The following YIF1A variants were observed in gnomAD, a reference collection of about 807,000 sequenced individuals.
YIF1A encodes the protein Yip1 interacting factor homolog A, membrane trafficking protein.
A neutral mutation model predicts 32.6 loss-of-function variants in YIF1A; 28 were observed. The observed-to-expected ratio is 0.86, with a 90% CI of 0.64 to 1.18. The LOEUF (loss-of-function observed/expected upper bound fraction) is 1.18. YIF1A is among the 50% of genes most tolerant of loss of function. The pLI is 0.00. For synonymous variants in YIF1A, 175 were observed against 162.2 expected, an observed-to-expected ratio of 1.08 and a Z score of -0.60; for missense variants, 373 against 390.8, an observed-to-expected ratio of 0.95 and a Z score of 0.38.
Position 66,287,615 on chromosome 11 carries a change from G to A in YIF1A, c.410C>T (p.Pro137Leu), listed in dbSNP as rs780912743. 8 of 1,613,460 alleles carry A rather than the reference G, an allele frequency of 5.0e-6. No homozygotes were observed. The South Asian group carries it at 6.6e-5, about 13-fold the overall frequency. The change falls in exon 4 of 8, where the codon CCT becomes CTT. Residue 137 changes from proline to leucine, a missense_variant. Physicochemically the swap from Pro to Leu is moderately conservative, Grantham distance 98. Coordinates refer to ENST00000376901, the MANE Select transcript of YIF1A (RefSeq NM_020470.3). ...AGACTCACTGGGGATATAGAGGTCA[G>A]GGGCGTTGAGGTCTTGCCGGGGGGG... ...PLPPRQDLNA[P>L]DLYIPTMAFI...
chr11:66,288,855 TG>T, intron 1 of YIF1A, 99 bp downstream of exon 1: 1 of 1,320,624 alleles, frequency 7.6e-7, no homozygotes, highest in Non-Finnish European at 9.8e-7. Context: ...ACCCCCGCCC[TG>T]GGCGGCGGTC....
Position 66,285,057 on chromosome 11 carries a change from C to G in YIF1A, c.642-91G>C, listed in dbSNP as rs1175588497. On this transcript the variant is annotated intron_variant, in intron 6 of 7. Transcript: ENST00000376901. ...CCAACGCCCAGAGCCCAGCTAGACC[C>G]CACCTCCCACAGCACCTTTTACTCT... is the stretch of plus-strand genomic sequence containing the variant. The G allele has an allele frequency of 2.3e-6, 3 of 1,291,464 alleles. No homozygotes were observed. The African/African-American group carries it at 4.4e-5, about 19-fold the overall frequency. 80.0% of individuals were successfully genotyped at this position (1,291,464 alleles called of 1,614,324 possible).
In YIF1A at chr11:66,288,233, C is replaced by T. The variant is rs1857394567; in HGVS notation, c.91G>A (p.Gly31Ser). Residue 31 changes from glycine to serine, a missense_variant, in exon 2 of 8, where the codon GGT (glycine) becomes AGT (serine). Coordinates refer to ENST00000376901, the MANE Select transcript of YIF1A (RefSeq NM_020470.3). ...CCCCCGGGCTGGCTGGAATAACCAC[C>T]GCTTGTGTCATCGAAGAGGGGAGGG... ...DPPPLFDDTS[G>S]GYSSQPGGYP... is the part of the protein sequence containing the mutation. 6.2e-7 allele frequency: 1 copy of T among 1,614,058 alleles called. No homozygotes were observed. Among genetic ancestry groups the T allele is most frequent in the Non-Finnish European group, 8.5e-7 (1 of 1,180,030 alleles).
In YIF1A at chr11:66,284,592, A is replaced by C. The variant is rs1187726182; in HGVS notation, c.*45T>G. The stretch of plus-strand genomic sequence containing the variant: ...GGGTCAGACAAAGTCAAGGAAATCA[A>C]ATCTTCAATGAATGAAAAACTCAGT... On this transcript the variant is annotated 3_prime_UTR_variant, in exon 8 of 8. Transcript: ENST00000376901. 4 of 1,602,746 alleles carry C rather than the reference A, an allele frequency of 2.5e-6. No individual in the cohort carries two copies. Among genetic ancestry groups the C allele is most frequent in the Non-Finnish European group, 3.4e-6 (4 of 1,172,578 alleles).
chr11:66,287,798 G>T lies in YIF1A; in HGVS notation c.348+14C>A. 1 of 1,611,822 alleles carries T rather than the reference G, an allele frequency of 6.2e-7. No individual in the cohort carries two copies. The highest frequency in any genetic ancestry group is 1.1e-5 in the South Asian group (1 of 91,040). On this transcript the variant is annotated intron_variant, in intron 3 of 7. Transcript: ENST00000376901. Reference sequence around the variant, plus strand: ...ATGAGGAAGGCCCACCAGCTCCCTTGGTAGGAAGCTCACCTGGTGTGTGTA... The same window carrying T: ...ATGAGGAAGGCCCACCAGCTCCCTTTGTAGGAAGCTCACCTGGTGTGTGTA...
chr11:66,285,770 C>T lies in YIF1A; in HGVS notation c.428-12G>A. On this transcript the variant is annotated splice_polypyrimidine_tract_variant and intron_variant, in intron 4 of 7. Transcript: ENST00000376901. ...AATGAAGGCCATCGCTGCCAAGTGCCAGAGAGATGCCATCAGCTTGGCTTC... is the reference window on the plus strand; with the variant it reads ...AATGAAGGCCATCGCTGCCAAGTGCTAGAGAGATGCCATCAGCTTGGCTTC... 1 of 1,612,230 alleles carries T rather than the reference C, an allele frequency of 6.2e-7. No individual in the cohort carries two copies. The highest frequency in any genetic ancestry group is 8.5e-7 in the Non-Finnish European group (1 of 1,179,742).
intron 4 of YIF1A, 34 bp downstream of exon 4, chr11:66,287,564 C>A (rs1360933741): frequency 1.9e-5 from 30 of 1,592,012 alleles, no homozygotes; most frequent in African/African-American, 2.7e-5. Context: ...CGACCCCACC[C>A]CACCACGTTC....
intron 4 of YIF1A, among the ~76,000 whole-genome samples, chr11:66,286,457 A>G (rs1857358316): frequency 6.6e-6 from 1 of 152,172 alleles, no homozygotes; most frequent in South Asian, 2.1e-4. Flanking sequence ...TCTCTACTAA[A>G]AATACAAAAA....
Position 66,284,644 on chromosome 11 carries a change from A to ACTTT in YIF1A, c.874_875insAAAG (p.Val292GlufsTer?). 6.2e-7 allele frequency: 1 copy of ACTTT among 1,612,836 alleles called. No individual in the cohort carries two copies. Among genetic ancestry groups the ACTTT allele is most frequent in the South Asian group, 1.1e-5 (1 of 91,078 alleles). Reference sequence around the variant, plus strand: ...CCATCTGGGGCCAGGGGGTCACCGGACCAGGTGGAAAGTCAGCCAGTATAT... The same window carrying ACTTT: ...CCATCTGGGGCCAGGGGGTCACCGGACTTTCCAGGTGGAAAGTCAGCCAGTATAT... On this transcript the variant is annotated frameshift_variant, in exon 8 of 8. Coordinates refer to ENST00000376901, the MANE Select transcript of YIF1A (RefSeq NM_020470.3). LOFTEE classifies it high-confidence loss of function.
Position 66,288,944 on chromosome 11 carries a change from G to A in YIF1A, c.31+11C>T, listed in dbSNP as rs986416993. On this transcript the variant is annotated intron_variant, in intron 1 of 7. Coordinates refer to ENST00000376901, the MANE Select transcript of YIF1A (RefSeq NM_020470.3). Reference sequence around the variant, plus strand: ...GCCGGCCGCGCCGCGCCCCGCCCGCGCCCCACGCACCGTGGGCTCCGTAGC... The same window carrying A: ...GCCGGCCGCGCCGCGCCCCGCCCGCACCCCACGCACCGTGGGCTCCGTAGC... 3.3e-6 allele frequency: 5 copies of A among 1,505,564 alleles called. No homozygotes were observed. The highest frequency in any genetic ancestry group is 4.4e-6 in the Non-Finnish European group (5 of 1,137,878). 93.3% of individuals were successfully genotyped at this position (1,505,564 alleles called of 1,614,324 possible).
At chr11:66,285,094 C>G (rs1229080566) in intron 6 of YIF1A, 128 bp from the exon 7 acceptor site, 2 of 1,030,628 alleles carry the variant, frequency 1.9e-6, no homozygotes, top group Admixed American at 4.9e-5. Flanking sequence ...AATCTGTCCC[C>G]ACAGGGACCC....
At chr11:66,285,603 G>A in intron 5 of YIF1A, 67 bp from the exon 6 acceptor site, 1 of 1,610,808 alleles carries the variant, frequency 6.2e-7, no homozygotes. Context: ...AGAGACTGGG[G>A]CAACAGAGGG....
chr11:66,284,643 G>T lies in YIF1A; in HGVS notation c.876C>A (p.Val292=), dbSNP rs1484719555. ...LIIYWLTFHL[V]R is the part of the protein sequence containing the mutation. ...GCCATCTGGGGCCAGGGGGTCACCG[G>T]ACCAGGTGGAAAGTCAGCCAGTATA... Residue 292 remains valine (V), a synonymous_variant, in exon 8 of 8, where the codon GTC becomes GTA. Coordinates refer to ENST00000376901, the MANE Select transcript of YIF1A (RefSeq NM_020470.3). The T allele has an allele frequency of 6.2e-7, 1 of 1,612,808 alleles. No homozygotes were observed. The highest frequency in any genetic ancestry group is 8.5e-7 in the Non-Finnish European group (1 of 1,179,938).
At position 66,284,583 on chromosome 11, in the gene YIF1A, A is replaced by G; in HGVS notation, c.*54T>C. The G allele has an allele frequency of 6.3e-7, 1 of 1,594,144 alleles. No homozygotes were observed. Among genetic ancestry groups the G allele is most frequent in the South Asian group, 1.1e-5 (1 of 89,948 alleles). ...CAGGAACAAGGGTCAGACAAAGTCA[A>G]GGAAATCAAATCTTCAATGAATGAA... is the stretch of plus-strand genomic sequence containing the variant. On this transcript the variant is annotated 3_prime_UTR_variant, in exon 8 of 8. Transcript: ENST00000376901.
In YIF1A at chr11:66,287,701, G is replaced by T. The variant is rs895387629; in HGVS notation, c.349-25C>A. The stretch of plus-strand genomic sequence containing the variant: ...TCTGGCAGTGGCAGTGGCAGCAGCG[G>T]CCACATCAGGAGGGGAAGAAGAGAA... On this transcript the variant is annotated intron_variant, in intron 3 of 7. Transcript: ENST00000376901. 21 of 1,611,292 alleles carry T rather than the reference G, an allele frequency of 1.3e-5. No homozygotes were observed. In the African/African-American group the frequency reaches 2.7e-4, roughly 20 times the overall value.
chr11:66,289,056 G>T lies in YIF1A; in HGVS notation c.-71C>A. The T allele has an allele frequency of 6.6e-7, 1 of 1,514,514 alleles. No homozygotes were observed. The allele number at this position is 1,514,514 out of a possible 1,614,324, so 93.8% of individuals were successfully genotyped here. On this transcript the variant is annotated 5_prime_UTR_variant, in exon 1 of 8. Coordinates refer to ENST00000376901, the MANE Select transcript of YIF1A (RefSeq NM_020470.3). ...GGGTACGAATACTAATGAGGCAGCT[G>T]CTCCGCGCCCAGGGTACCGACCGAG...
In YIF1A at chr11:66,287,909, C is replaced by CTGGGA; in HGVS notation, c.250_251insTCCCA (p.Arg84LeufsTer7). 6.2e-7 allele frequency: 1 copy of CTGGGA among 1,613,264 alleles called. No homozygotes were observed. Among genetic ancestry groups the CTGGGA allele is most frequent in the East Asian group, 2.2e-5 (1 of 44,886 alleles). ...CTTGAGTTTGCTCACAGACACAAAA[C>CTGGGA]GGTGCAGCTGGGAGGGGAGAGAGGA... On this transcript the variant is annotated frameshift_variant, in exon 3 of 8. Coordinates refer to ENST00000376901, the MANE Select transcript of YIF1A (RefSeq NM_020470.3). LOFTEE classifies it high-confidence loss of function.
Position 66,289,062 on chromosome 11 carries a change from C to T in YIF1A, c.-77G>A. 1 of 1,502,392 alleles carries T rather than the reference C, an allele frequency of 6.7e-7. No individual in the cohort carries two copies. The highest frequency in any genetic ancestry group is 1.2e-5 in the South Asian group (1 of 80,106). The allele number at this position is 1,502,392 out of a possible 1,614,324, so 93.1% of individuals were successfully genotyped here. ...GAATACTAATGAGGCAGCTGCTCCG[C>T]GCCCAGGGTACCGACCGAGGCCACC... On this transcript the variant is annotated 5_prime_UTR_variant, in exon 1 of 8. Transcript: ENST00000376901.
In YIF1A at chr11:66,289,136, G is replaced by C. The variant is rs1179726735; in HGVS notation, c.-151C>G. The C allele has an allele frequency of 8.3e-7, 1 of 1,207,412 alleles. No individual in the cohort carries two copies. Among genetic ancestry groups the C allele is most frequent in the Admixed American group, 3.8e-5 (1 of 26,398 alleles). The allele number at this position is 1,207,412 out of a possible 1,614,324, so 74.8% of individuals were successfully genotyped here. On this transcript the variant is annotated 5_prime_UTR_variant, in exon 1 of 8. Coordinates refer to ENST00000376901, the MANE Select transcript of YIF1A (RefSeq NM_020470.3). ...CCCGCCGGTCTCGGCCACCATGTCC[G>C]TGGCGTCATCCCCCGCGCCTGCCAT...
Sources: gnomAD v4.1 joint callset for allele counts (sites outside exome capture counted in the v4.1 genomes callset) on GRCh38, gnomAD v4.1.1 for gene constraint, MANE v1.5 for transcripts, NCBI Gene and HGNC (gene_info 2026-07-23, HGNC 2026-07-21) for gene names.